HMGB1: variants seen among roughly 807,000 people sequenced by gnomAD.
The protein encoded by HMGB1 is high mobility group box 1, also known as high mobility group protein B1.
For synonymous variants in HMGB1, 81 were observed against 84.0 expected (o/e 0.96, Z 0.19); for missense variants, 79 against 253.5 (o/e 0.31, Z 4.67).
At chr13:30,575,060 T>A (rs1427635950) in intron 1 of HMGB1, among the ~76,000 whole-genome samples, 2 of 152,196 alleles carry the variant, frequency 1.3e-5, no homozygotes, top group Non-Finnish European at 2.9e-5. Context: ...AAACTCCGAG[T>A]AAAAGTATCT....
At chr13:30,511,601 C>T (rs1337586019) in intron 1 of HMGB1, among the ~76,000 whole-genome samples, 2 of 152,182 alleles carry the variant, frequency 1.3e-5, no homozygotes, top group African/African-American at 4.8e-5. Flanking sequence ...GGAAAACAGA[C>T]TAATACACCA....
chr13:30,520,127 G>C (rs1345266637), intron 1 of HMGB1, among the ~76,000 whole-genome samples: 2 of 152,146 alleles, frequency 1.3e-5, no homozygotes, highest in East Asian at 3.8e-4. Flanking sequence ...TTCGAGACCA[G>C]CCTGGCCAAC....
Position 30,597,886 on chromosome 13 carries a change from C to T in HMGB1, c.-15+18785G>A, listed in dbSNP as rs531731301. On this transcript the variant is annotated intron_variant, in intron 1 of 4. Transcript: ENST00000405805. ...TTAACAAGCCTCCTTTCCCTGGGCT[C>T]CTTTTTCTTTCAGCATTCCAAGCCA... is the stretch of plus-strand genomic sequence containing the variant. 4.5e-4 allele frequency among the ~76,000 whole-genome samples: 68 copies of T among 152,304 alleles called. 1 individual carries two copies. Among genetic ancestry groups the T allele is most frequent in the African/African-American group, 1.6e-3 (66 of 41,564 alleles).
chr13:30,605,669 G>A (rs1329570464), intron 1 of HMGB1, among the ~76,000 whole-genome samples: 1 of 152,194 alleles, frequency 6.6e-6, no homozygotes, highest in Non-Finnish European at 1.5e-5. Flanking sequence ...GGTAGAGGTG[G>A]TAGCCATAAA....
upstream of HMGB1, among the ~76,000 whole-genome samples, chr13:30,467,521 A>G (rs1331366129): frequency 3.9e-5 from 6 of 152,236 alleles, no homozygotes; most frequent in Non-Finnish European, 8.8e-5. Context: ...GAAAAAGACT[A>G]TAATATTAAA....
At chr13:30,606,310 TTTG>T (rs1300960216) in intron 1 of HMGB1, among the ~76,000 whole-genome samples, 6 of 152,172 alleles carry the variant, frequency 3.9e-5, no homozygotes, top group African/African-American at 1.4e-4. Flanking sequence ...TATTCCAAGA[TTTG>T]TTTTTCATTT....
At chr13:30,524,018 A>G (rs1165951680) in intron 1 of HMGB1, among the ~76,000 whole-genome samples, 1 of 152,142 alleles carries the variant, frequency 6.6e-6, no homozygotes, top group East Asian at 1.9e-4. Flanking sequence ...ATAAAAAAGG[A>G]TTAGTTCATG....
chr13:30,599,803 C>T lies in HMGB1; in HGVS notation c.-15+16868G>A, dbSNP rs551540067. ...ACGGCCCTGTGTCCAAATACAGTCA[C>T]ATTCCGAGTTCCAGGGGATTAGGGC... On this transcript the variant is annotated intron_variant, in intron 1 of 4. Transcript: ENST00000405805. Among the ~76,000 whole-genome samples, 4 of 152,284 alleles carry T rather than the reference C, an allele frequency of 2.6e-5. No individual in the cohort carries two copies. The South Asian group carries it at 6.2e-4, about 24-fold the overall frequency.
At chr13:30,610,552 A>G (rs1365399855) in intron 1 of HMGB1, among the ~76,000 whole-genome samples, 2 of 152,226 alleles carry the variant, frequency 1.3e-5, no homozygotes, top group Non-Finnish European at 2.9e-5. Flanking sequence ...TGAAGCCCAG[A>G]GAGGTTAAAT....
intron 1 of HMGB1, among the ~76,000 whole-genome samples, chr13:30,557,014 G>A (rs997346874): frequency 6.6e-6 from 1 of 152,088 alleles, no homozygotes; most frequent in Non-Finnish European, 1.5e-5. Context: ...TCAAGAATAT[G>A]TACAATTGGT....
In HMGB1 at chr13:30,460,173, A is replaced by C. The variant is rs1886225439; in HGVS notation, c.*1184T>G. 1.3e-5 allele frequency: 2 copies of C among 151,608 alleles called. No homozygotes were observed. Among genetic ancestry groups the C allele is most frequent in the African/African-American group, 4.9e-5 (2 of 40,464 alleles). The allele number at this position is 151,608 out of a possible 1,614,324, so 9.4% of individuals were successfully genotyped here. ...AATTGAATAATTCATACTGAGATGC[A>C]AAGTTTGTCTTCTTTCTTCCTATCT... On this transcript the variant is annotated 3_prime_UTR_variant, in exon 5 of 5. Coordinates refer to ENST00000341423, the MANE Select transcript of HMGB1 (RefSeq NM_002128.7).
At chr13:30,493,410 G>A (rs140755751) in intron 1 of HMGB1, among the ~76,000 whole-genome samples, 12 of 152,248 alleles carry the variant, frequency 7.9e-5, no homozygotes, top group Non-Finnish European at 1.0e-4. Context: ...GTTGTTTTCC[G>A]GGGCAGACAT....
intron 1 of HMGB1, among the ~76,000 whole-genome samples, chr13:30,504,532 A>T (rs934836663): frequency 2.0e-5 from 3 of 152,176 alleles, no homozygotes; most frequent in Non-Finnish European, 4.4e-5. Flanking sequence ...GACAAAAAAA[A>T]TTATTTATCC....
intron 1 of HMGB1, among the ~76,000 whole-genome samples, chr13:30,476,798 G>A (rs1022251590): frequency 5.4e-5 from 8 of 149,174 alleles, no homozygotes; most frequent in Admixed American, 1.4e-4. Flanking sequence ...CCCAGGAGGC[G>A]AAGGTTAGAG....
At chr13:30,509,738 TA>T (rs1285605495) in intron 1 of HMGB1, among the ~76,000 whole-genome samples, 4 of 152,122 alleles carry the variant, frequency 2.6e-5, no homozygotes, top group Non-Finnish European at 5.9e-5. Flanking sequence ...TTGGCAATAA[TA>T]TTTTCAACAT....
intron 1 of HMGB1, among the ~76,000 whole-genome samples, chr13:30,604,655 T>G (rs927673088): frequency 6.6e-6 from 1 of 152,152 alleles, no homozygotes; most frequent in Non-Finnish European, 1.5e-5. Context: ...CTTCCCAATG[T>G]TTTTTTGTTT....
intron 1 of HMGB1, among the ~76,000 whole-genome samples, chr13:30,471,909 C>T (rs1453901628): frequency 4.0e-5 from 6 of 151,614 alleles, no homozygotes; most frequent in African/African-American, 1.2e-4. Flanking sequence ...TCAGGTGATC[C>T]GCCCGCCTAA....
At chr13:30,615,459 T>C (rs772720147) in intron 1 of HMGB1, among the ~76,000 whole-genome samples, 39 of 152,204 alleles carry the variant, frequency 2.6e-4, no homozygotes, top group Non-Finnish European at 4.9e-4. Flanking sequence ...CATATTAATA[T>C]AGTTTCAGCA....
In HMGB1 at chr13:30,462,732, T is replaced by C. The variant is rs1886435057; in HGVS notation, c.297-20A>G. On this transcript the variant is annotated intron_variant, in intron 3 of 4. Transcript: ENST00000341423. ...GCCGAACTAAAAAAAAAATTAATTT[T>C]AGGATTTTAAGTTAACAGATCACAA... is the stretch of plus-strand genomic sequence containing the variant. 1 of 1,603,042 alleles carries C rather than the reference T, an allele frequency of 6.2e-7. No individual in the cohort carries two copies. The highest frequency in any genetic ancestry group is 8.5e-7 in the Non-Finnish European group (1 of 1,172,560).
Sources: allele counts gnomAD v4.1 joint callset (sites outside exome capture counted in the v4.1 genomes callset), GRCh38; gene constraint gnomAD v4.1.1; transcripts MANE v1.5; gene names NCBI Gene and HGNC (gene_info 2026-07-23, HGNC 2026-07-21).